The following DYM variants were observed in gnomAD, a reference collection of about 807,000 sequenced individuals.
DYM encodes the protein dymeclin, also known as dyggve-Melchior-Clausen syndrome protein.
A neutral mutation model predicts 93.1 loss-of-function variants in DYM; 78 were observed. The observed-to-expected ratio is 0.84, with a 90% CI of 0.70 to 1.01. DYM has a LOEUF of 1.01. Among genes scored for constraint, DYM ranks in the 50% least tolerant of loss-of-function variants. DYM has a pLI of 0.00. For synonymous variants in DYM, 321 were observed against 319.7 expected, an observed-to-expected ratio of 1.00 and a Z score of -0.04; for missense variants, 789 against 845.0, an observed-to-expected ratio of 0.93 and a Z score of 0.82.
rs2059681255 is a variant in DYM, at chr18:49,286,592, A to C, written c.788T>G (p.Leu263Arg). 1 of 1,613,896 alleles carries C rather than the reference A, an allele frequency of 6.2e-7. No individual in the cohort carries two copies. The highest frequency in any genetic ancestry group is 8.5e-7 in the Non-Finnish European group (1 of 1,179,976). ...AGCCGCTTTGCTGCCCACACCACCT[A>C]GTGTGAAGACAGTCCAGAGTCCTGC... is the stretch of plus-strand genomic sequence containing the variant. ...VATGLWTVFTLGGVGSKAAAS... is the reference protein window; with the variant it reads ...VATGLWTVFTRGGVGSKAAAS... Residue 263 changes from leucine to arginine, a missense_variant, in exon 9 of 18, where the codon CTA becomes CGA. Transcript: ENST00000675505.
Position 49,039,540 on chromosome 18 carries a change from G to A in DYM, c.*4515C>T, listed in dbSNP as rs1385232030. On this transcript the variant is annotated 3_prime_UTR_variant, in exon 18 of 18. Coordinates refer to ENST00000675505, the MANE Select transcript of DYM (RefSeq NM_001353214.3). ...CCAACTACCCTGCATGTCTGAGCAGGTCAGACATGCTCACTGTACCCTTTA... is the reference window on the plus strand; with the variant it reads ...CCAACTACCCTGCATGTCTGAGCAGATCAGACATGCTCACTGTACCCTTTA... Among the ~76,000 whole-genome samples the A allele has an allele frequency of 6.6e-6, 1 of 151,992 alleles. No homozygotes were observed. Among genetic ancestry groups the A allele is most frequent in the African/African-American group, 2.4e-5 (1 of 41,376 alleles).
chr18:49,244,242 T>C (rs2094112296), intron 13 of DYM, among the ~76,000 whole-genome samples: 1 of 152,230 alleles, frequency 6.6e-6, no homozygotes, highest in Non-Finnish European at 1.5e-5. Flanking sequence ...GGTTCTCCGC[T>C]GGACTTGATT....
intron 10 of DYM, among the ~76,000 whole-genome samples, chr18:49,280,268 TG>T (rs1424917364): frequency 1.3e-5 from 2 of 152,188 alleles, no homozygotes; most frequent in African/African-American, 4.8e-5. Flanking sequence ...ATTTCACTCA[TG>T]TAGTGATGGA....
At chr18:49,422,913 T>C (rs1321224557) in intron 2 of DYM, among the ~76,000 whole-genome samples, 1 of 152,122 alleles carries the variant, frequency 6.6e-6, no homozygotes, top group Admixed American at 6.5e-5. Flanking sequence ...CTTAGAGACC[T>C]ACAAAGAGAC....
chr18:49,149,947 T>C (rs541343690), intron 15 of DYM, among the ~76,000 whole-genome samples: 1 of 152,286 alleles, frequency 6.6e-6, no homozygotes, highest in South Asian at 2.1e-4. Flanking sequence ...GACTTCGTGA[T>C]CTGCCTGCCT....
At chr18:49,159,867 G>A (rs2086888175) in intron 15 of DYM, among the ~76,000 whole-genome samples, 1 of 152,156 alleles carries the variant, frequency 6.6e-6, no homozygotes, top group Non-Finnish European at 1.5e-5. Flanking sequence ...ATATGGTACA[G>A]TAACAATATT....
chr18:49,447,433 C>T (rs993860859), intron 1 of DYM: 1 of 152,246 alleles, frequency 6.6e-6, no homozygotes, highest in African/African-American at 2.4e-5. Context: ...AGTGTAGCCA[C>T]TTCATAATGG....
chr18:49,357,683 T>C (rs1322060628), intron 6 of DYM, among the ~76,000 whole-genome samples: 1 of 152,188 alleles, frequency 6.6e-6, no homozygotes, highest in Non-Finnish European at 1.5e-5. Context: ...AGTAAAGAAA[T>C]ATTTGAGTCT....
At chr18:49,420,714 G>T (rs1278003781) in intron 2 of DYM, among the ~76,000 whole-genome samples, 1 of 152,074 alleles carries the variant, frequency 6.6e-6, no homozygotes, top group Non-Finnish European at 1.5e-5. Flanking sequence ...ACCGAAGCAG[G>T]GCAAGGCATC....
intron 11 of DYM, among the ~76,000 whole-genome samples, chr18:49,264,391 A>C (rs2094537586): frequency 6.6e-6 from 1 of 152,148 alleles, no homozygotes; most frequent in Non-Finnish European, 1.5e-5. Flanking sequence ...ATTCCTCTCT[A>C]AAGTGGTTCT....
chr18:49,209,826 C>T, intron 13 of DYM, 111 bp from the exon 14 acceptor site: 1 of 594,074 alleles, frequency 1.7e-6, no homozygotes, highest in Non-Finnish European at 2.2e-6. Flanking sequence ...CTAGATGGTG[C>T]CCAAGAAAAA....
At chr18:49,134,127 TG>T (rs1320774628) in intron 15 of DYM, among the ~76,000 whole-genome samples, 1 of 152,188 alleles carries the variant, frequency 6.6e-6, no homozygotes, top group Non-Finnish European at 1.5e-5. Context: ...GTTAATTTAC[TG>T]AAGAATCTGG....
chr18:49,175,863 T>G (rs1220997901), intron 14 of DYM, among the ~76,000 whole-genome samples: 1 of 152,162 alleles, frequency 6.6e-6, no homozygotes, highest in Admixed American at 6.6e-5. Context: ...AATATATGTG[T>G]GATATTTAGT....
At chr18:49,449,398 C>T (rs1471817685) in intron 1 of DYM, among the ~76,000 whole-genome samples, 1 of 152,242 alleles carries the variant, frequency 6.6e-6, no homozygotes, top group East Asian at 1.9e-4. Flanking sequence ...AACACAATTC[C>T]CAATAGGAAG....
At chr18:49,424,922 T>C (rs1017397675) in intron 2 of DYM, among the ~76,000 whole-genome samples, 5 of 152,148 alleles carry the variant, frequency 3.3e-5, no homozygotes, top group Admixed American at 3.3e-4. Flanking sequence ...GAACATTCCA[T>C]GCTCATGGAT....
intron 10 of DYM, among the ~76,000 whole-genome samples, chr18:49,277,389 A>C (rs1287306126): frequency 6.6e-6 from 1 of 152,176 alleles, no homozygotes; most frequent in Non-Finnish European, 1.5e-5. Flanking sequence ...AAAGAGAGAG[A>C]AAAGCAGTAG....
intron 13 of DYM, among the ~76,000 whole-genome samples, chr18:49,218,040 A>G (rs2093161779): frequency 6.6e-6 from 1 of 152,128 alleles, no homozygotes; most frequent in Non-Finnish European, 1.5e-5. Flanking sequence ...AATAGGCTCA[A>G]AATAAAAGGA....
At chr18:49,338,846 T>G (rs1485480850) in intron 6 of DYM, among the ~76,000 whole-genome samples, 1 of 152,138 alleles carries the variant, frequency 6.6e-6, no homozygotes. Context: ...AAGAAAGGAC[T>G]TATTAAATAA....
chr18:49,296,760 T>C (rs1324010431), intron 8 of DYM, among the ~76,000 whole-genome samples: 3 of 152,224 alleles, frequency 2.0e-5, no homozygotes, highest in Non-Finnish European at 4.4e-5. Flanking sequence ...AGAAAATTCT[T>C]CAAGGTCCAA....
Sources: gnomAD v4.1 joint callset for allele counts (sites outside exome capture counted in the v4.1 genomes callset) on GRCh38, gnomAD v4.1.1 for gene constraint, MANE v1.5 for transcripts, NCBI Gene and HGNC (gene_info 2026-07-23, HGNC 2026-07-21) for gene names.